The following FAM210A variants were observed in gnomAD, a reference collection of about 807,000 sequenced individuals.
FAM210A encodes mitochondrial inner membrane scaffold 1, also known as family with sequence similarity 210 member A.
Under a neutral mutation model 25.3 loss-of-function variants are expected in FAM210A, and 13 were observed. The ratio of observed to expected loss-of-function variants is 0.51; its 90% CI spans 0.33 to 0.82. FAM210A has a LOEUF of 0.82. Ranked by LOEUF, FAM210A falls within the 40% of genes least tolerant of loss-of-function variation. FAM210A has a pLI of 0.02. For synonymous variants in FAM210A, 125 were observed against 118.7 expected, an observed-to-expected ratio of 1.05 and a Z score of -0.35; for missense variants, 319 against 323.2, an observed-to-expected ratio of 0.99 and a Z score of 0.10.
chr18:13,678,420 C>T (rs1628445), intron 2 of FAM210A, among the ~76,000 whole-genome samples: 135,374 of 151,964 alleles, frequency 0.89, 60,401 homozygotes, highest in East Asian at 0.95. Context: ...ACAGGCTCTG[C>T]AATTCTGTAG....
rs2043557977 is a variant in FAM210A at position 13,681,928 on chromosome 18, G to A, written c.150C>T (p.Gly50=). The change falls in exon 2 of 4, where the codon GGC becomes GGT. Residue 50 remains glycine, a synonymous_variant. Transcript: ENST00000651643. ...ATAAATGCAACCATTGTTTTTGAGGGCCTTGTACCAAAACCACTTTGGATT... is the reference window on the plus strand; with the variant it reads ...ATAAATGCAACCATTGTTTTTGAGGACCTTGTACCAAAACCACTTTGGATT... The part of the protein sequence containing the change: ...NAESKVVLVQ[G]PQKQWLHLSA... 1 of 1,613,960 alleles carries A rather than the reference G, an allele frequency of 6.2e-7. No individual in the cohort carries two copies. Among genetic ancestry groups the A allele is most frequent in the African/African-American group, 1.3e-5 (1 of 74,878 alleles).
intron 1 of FAM210A, among the ~76,000 whole-genome samples, chr18:13,719,325 G>A (rs556607104): frequency 1.1e-4 from 17 of 152,248 alleles, no homozygotes; most frequent in Admixed American, 9.2e-4. Flanking sequence ...AAAATACCAC[G>A]TTTAATTCAA....
intron 1 of FAM210A, among the ~76,000 whole-genome samples, chr18:13,716,654 G>C (rs1050685460): frequency 2.0e-5 from 3 of 152,014 alleles, no homozygotes; most frequent in Admixed American, 2.0e-4. Flanking sequence ...ATTGGATCAG[G>C]GGGCAGTTTC....
intron 3 of FAM210A, among the ~76,000 whole-genome samples, chr18:13,668,402 T>C (rs2043417422): frequency 6.6e-6 from 1 of 152,198 alleles, no homozygotes; most frequent in African/African-American, 2.4e-5. Context: ...TGTGACAACA[T>C]TCGATCCCTG....
At chr18:13,693,468 T>C (rs1174382328) in intron 1 of FAM210A, among the ~76,000 whole-genome samples, 1 of 152,206 alleles carries the variant, frequency 6.6e-6, no homozygotes, top group African/African-American at 2.4e-5. Context: ...CCAATATCCC[T>C]GATGAACATC....
At chr18:13,696,226 G>A (rs959263156) in intron 1 of FAM210A, among the ~76,000 whole-genome samples, 1 of 152,150 alleles carries the variant, frequency 6.6e-6, no homozygotes, top group Non-Finnish European at 1.5e-5. Flanking sequence ...TCAACAACCT[G>A]ATTCTGAAGT....
At chr18:13,676,211 C>CT (rs2043499207) in intron 2 of FAM210A, among the ~76,000 whole-genome samples, 2 of 80,792 alleles carry the variant, frequency 2.5e-5, no homozygotes, top group Non-Finnish European at 6.0e-5. Context: ...TCCTGAGCCC[C>CT]GGCTTCTTTA....
At chr18:13,688,293 C>T (rs1441854172) in intron 1 of FAM210A, among the ~76,000 whole-genome samples, 1 of 152,164 alleles carries the variant, frequency 6.6e-6, no homozygotes, top group South Asian at 2.1e-4. Context: ...TTTTACCAAT[C>T]GAATGTTGTC....
Position 13,666,656 on chromosome 18 carries a change from A to G in FAM210A, c.643T>C (p.Tyr215His), listed in dbSNP as rs757945137. 1.2e-6 allele frequency: 2 copies of G among 1,614,186 alleles called. No individual in the cohort carries two copies. Among genetic ancestry groups the G allele is most frequent in the South Asian group, 1.1e-5 (1 of 91,076 alleles). ...GACATGTAGCCATGACTGCGCAGATACTTCACAGTGACAGATGTTCCTCCC... is the reference window on the plus strand; with the variant it reads ...GACATGTAGCCATGACTGCGCAGATGCTTCACAGTGACAGATGTTCCTCCC... The part of the protein sequence containing the change: ...TLGGTSVTVK[Y>H]LRSHGYMSTP... The change falls in exon 4 of 4, where the codon TAT becomes CAT. Residue 215 changes from tyrosine (Y) to histidine (H), a missense_variant. Transcript: ENST00000651643.
intron 1 of FAM210A, among the ~76,000 whole-genome samples, chr18:13,712,145 C>A (rs2082029754): frequency 6.6e-6 from 1 of 151,914 alleles, no homozygotes; most frequent in Admixed American, 6.6e-5. Flanking sequence ...GTGAAAAGAC[C>A]CCAGACTGCA....
At chr18:13,690,244 A>C (rs1314941789) in intron 1 of FAM210A, among the ~76,000 whole-genome samples, 2 of 152,266 alleles carry the variant, frequency 1.3e-5, no homozygotes, top group South Asian at 2.1e-4. Context: ...GTAGGAAAAG[A>C]AAGCAGCAGG....
intron 2 of FAM210A, among the ~76,000 whole-genome samples, chr18:13,681,216 G>A (rs1357854243): frequency 6.6e-6 from 1 of 152,174 alleles, no homozygotes. Context: ...ATATAGGAGA[G>A]TGTATGCTTT....
At chr18:13,672,037 T>A in intron 2 of FAM210A, 64 bp from the exon 3 acceptor site, 1 of 1,163,648 alleles carries the variant, frequency 8.6e-7, no homozygotes, top group Non-Finnish European at 1.2e-6. Flanking sequence ...AAAAATTATC[T>A]GAAAATACCA....
In FAM210A at chr18:13,666,098, C is replaced by T. The variant is rs141528547; in HGVS notation, c.*382G>A. On this transcript the variant is annotated 3_prime_UTR_variant, in exon 4 of 4. Coordinates refer to ENST00000651643, the MANE Select transcript of FAM210A (RefSeq NM_152352.4). ...AATGAATAACATAAAAATTAAGATC[C>T]GGTATTAACAGACTATTTTATGGGT... The T allele has an allele frequency of 2.7e-3, 452 of 169,922 alleles. 2 individuals are homozygous for T. Among genetic ancestry groups the T allele is most frequent in the Non-Finnish European group, 4.3e-3 (336 of 78,398 alleles). The allele number at this position is 169,922 out of a possible 1,614,324, so 10.5% of individuals were successfully genotyped here. A position where few individuals can be genotyped will look rare whatever the true frequency, so the allele number is the denominator to read the frequency against.
At chr18:13,670,005 G>C (rs1258770014) in intron 3 of FAM210A, among the ~76,000 whole-genome samples, 1 of 152,140 alleles carries the variant, frequency 6.6e-6, no homozygotes, top group Non-Finnish European at 1.5e-5. Flanking sequence ...AATAGTGAGG[G>C]GGAAGAAACA....
chr18:13,673,822 C>A (rs868736959), intron 2 of FAM210A, among the ~76,000 whole-genome samples: 20 of 149,582 alleles, frequency 1.3e-4, no homozygotes, highest in Middle Eastern at 3.5e-3. Context: ...GCCCTGGCTT[C>A]TTTATTTCCG....
intron 1 of FAM210A, among the ~76,000 whole-genome samples, chr18:13,708,535 C>A (rs1281752270): frequency 1.3e-5 from 2 of 152,216 alleles, no homozygotes; most frequent in African/African-American, 4.8e-5. Context: ...ATTAGCATAA[C>A]CTGTTACGGG....
At chr18:13,711,581 C>T (rs897746880) in intron 1 of FAM210A, among the ~76,000 whole-genome samples, 51 of 152,274 alleles carry the variant, frequency 3.3e-4, no homozygotes, top group Admixed American at 9.2e-4. Context: ...CAAAGTCTTT[C>T]AGACTTTCCT....
At chr18:13,705,659 A>T (rs986093920) in intron 1 of FAM210A, among the ~76,000 whole-genome samples, 3 of 152,096 alleles carry the variant, frequency 2.0e-5, no homozygotes, top group Non-Finnish European at 4.4e-5. Context: ...TTTAGTAGAG[A>T]CAGGGTTTCA....
Sources: allele counts gnomAD v4.1 joint callset (sites outside exome capture counted in the v4.1 genomes callset), GRCh38; gene constraint gnomAD v4.1.1; transcripts MANE v1.5; gene names NCBI Gene and HGNC (gene_info 2026-07-23, HGNC 2026-07-21).